SYNE1: variants seen among roughly 807,000 people sequenced by gnomAD.
SYNE1 encodes the protein spectrin repeat containing nuclear envelope protein 1, also known as nesprin-1.
A neutral mutation model predicts 1,111.0 loss-of-function variants in SYNE1; 616 were observed. The observed-to-expected ratio is 0.55, with a 90% CI of 0.52 to 0.59. The LOEUF is 0.59. Among genes scored for constraint, SYNE1 ranks in the 20% least tolerant of loss-of-function variants. The pLI, the probability that SYNE1 is intolerant of heterozygous loss-of-function variation, is 0.00. For synonymous variants in SYNE1, 3,855 were observed against 3,825.8 expected (o/e 1.01, Z -0.28); for missense variants, 10,006 against 10,417.0 (o/e 0.96, Z 1.72).
intron 61 of SYNE1, chr6:152,368,400 TCAGTTGTCTGAAC>T (rs1461817248): frequency 6.5e-6 from 1 of 153,984 alleles, no homozygotes. Context: ...AGAGGTTTAA[TCAGTTGTCTGAAC>T]CATTGCCAAT....
Position 152,333,352 on chromosome 6 carries a change from G to C in SYNE1, c.12794+656C>G, listed in dbSNP as rs1421335419. Among the ~76,000 whole-genome samples, 6 of 152,080 alleles carry C rather than the reference G, an allele frequency of 3.9e-5. No individual in the cohort carries two copies. In the South Asian group the frequency reaches 8.3e-4, roughly 21 times the overall value. On this transcript the variant is annotated intron_variant, in intron 77 of 145. Coordinates refer to ENST00000367255, the MANE Select transcript of SYNE1 (RefSeq NM_182961.4). ...ATTCATTACCTTATAGACTTGATAA[G>C]AAACTAGGGAGCATATAGGTTCAAG...
chr6:152,394,908 G>A (rs549049167), intron 51 of SYNE1, among the ~76,000 whole-genome samples: 17 of 147,908 alleles, frequency 1.1e-4, no homozygotes, highest in South Asian at 2.2e-4. Flanking sequence ...TCAGCCTCCC[G>A]GGTAGCTGGA....
intron 128 of SYNE1, among the ~76,000 whole-genome samples, chr6:152,186,963 T>C (rs2070315013): frequency 6.6e-6 from 1 of 152,182 alleles, no homozygotes; most frequent in Non-Finnish European, 1.5e-5. Flanking sequence ...ATTGCAAAAT[T>C]ATAGGATGAT....
intron 133 of SYNE1, among the ~76,000 whole-genome samples, 164 bp from the exon 134 acceptor site, chr6:152,152,305 T>A (rs557527397): frequency 9.9e-5 from 15 of 152,258 alleles, no homozygotes; most frequent in Admixed American, 3.3e-4. Flanking sequence ...TAATGCAAAG[T>A]CATCTAGTCA....
At chr6:152,149,772 G>T in intron 135 of SYNE1, 104 bp from the exon 136 acceptor site, 2 of 984,862 alleles carry the variant, frequency 2.0e-6, no homozygotes, top group Non-Finnish European at 3.1e-6. Context: ...AAGACATGTA[G>T]GGGCTATTTA....
At chr6:152,622,845 A>G (rs2758798) in intron 3 of SYNE1, among the ~76,000 whole-genome samples, 102,775 of 151,986 alleles carry the variant, frequency 0.68, 34,849 homozygotes, top group Non-Finnish European at 0.7. Context: ...TCACCGCACT[A>G]TCTTCCACAA....
intron 3 of SYNE1, among the ~76,000 whole-genome samples, chr6:152,561,264 TAAAC>T (rs1314063333): frequency 1.3e-5 from 2 of 151,986 alleles, no homozygotes; most frequent in Non-Finnish European, 2.9e-5. Flanking sequence ...TGTCTATACA[TAAAC>T]AATGAACTAT....
intron 93 of SYNE1, among the ~76,000 whole-genome samples, chr6:152,299,847 C>T (rs796995297): frequency 2.6e-5 from 4 of 152,046 alleles, no homozygotes; most frequent in African/African-American, 9.6e-5. Flanking sequence ...ATATCAACTT[C>T]TTTGAAAAAA....
intron 100 of SYNE1, among the ~76,000 whole-genome samples, chr6:152,265,249 T>C (rs2092576053): frequency 7.1e-6 from 1 of 141,642 alleles, no homozygotes; most frequent in Non-Finnish European, 1.5e-5. Flanking sequence ...ATAATAATAA[T>C]GGCAATGGCA....
Position 152,483,069 on chromosome 6 carries a change from C to T in SYNE1, c.1350+16G>A. On this transcript the variant is annotated intron_variant, in intron 14 of 145. Transcript: ENST00000367255. ...AGGGCTGTTATGCTGCAAGGTTTTC[C>T]AACCAGAATTTTTACCTTATGTTGC... 1 of 1,614,168 alleles carries T rather than the reference C, an allele frequency of 6.2e-7. No individual in the cohort carries two copies.
Position 152,331,525 on chromosome 6 carries a change from T to C in SYNE1, c.13160A>G (p.His4387Arg), listed in dbSNP as rs2153974266. The C allele has an allele frequency of 6.2e-7, 1 of 1,614,120 alleles. No homozygotes were observed. Among genetic ancestry groups the C allele is most frequent in the Non-Finnish European group, 8.5e-7 (1 of 1,180,016 alleles). ...PDMAQNLLMDHLAICSELEAK... is the reference protein window; with the variant it reads ...PDMAQNLLMDRLAICSELEAK... ...CTCCAGTTCACTGCAGATGGCCAGG[T>C]GATCCATGAGAAGGTTCTGAGCCAT... Residue 4387 changes from histidine (H) to arginine (R), a missense_variant, in exon 78 of 146, where the codon CAC becomes CGC. Around this residue, in one of 7 missense-constraint regions of SYNE1, gnomAD observed 4,955 missense variants for 5,017.2 expected, o/e 0.99. Coordinates refer to ENST00000367255, the MANE Select transcript of SYNE1 (RefSeq NM_182961.4).
intron 14 of SYNE1, chr6:152,481,625 A>T: frequency 2.3e-6 from 1 of 441,246 alleles, no homozygotes; most frequent in Non-Finnish European, 4.5e-6. Flanking sequence ...CCATGAAAAA[A>T]TTATTGTGTG....
Position 152,149,467 on chromosome 6 carries a change from T to C in SYNE1, c.24642+10A>G, listed in dbSNP as rs1260864340. 1 of 1,614,180 alleles carries C rather than the reference T, an allele frequency of 6.2e-7. No individual in the cohort carries two copies. Among genetic ancestry groups the C allele is most frequent in the Non-Finnish European group, 8.5e-7 (1 of 1,180,012 alleles). On this transcript the variant is annotated intron_variant, in intron 136 of 145. Transcript: ENST00000367255. ...ATTTAATGACAACTAAGAAAATCAA[T>C]GTTACATACAGGCAGGCGGATCAGT...
At chr6:152,245,336 A>G (rs1417205061) in intron 105 of SYNE1, among the ~76,000 whole-genome samples, 5 of 152,178 alleles carry the variant, frequency 3.3e-5, no homozygotes, top group African/African-American at 9.6e-5. Context: ...CGATAATGCA[A>G]CTCATCCCCA....
chr6:152,281,064 GA>G (rs1368971360), intron 97 of SYNE1, among the ~76,000 whole-genome samples: 1 of 152,182 alleles, frequency 6.6e-6, no homozygotes, highest in Non-Finnish European at 1.5e-5. Context: ...CTGAAGACTA[GA>G]CAGGGTTTTC....
intron 3 of SYNE1, among the ~76,000 whole-genome samples, chr6:152,599,731 C>T (rs939896933): frequency 1.1e-4 from 16 of 152,156 alleles, no homozygotes; most frequent in African/African-American, 3.9e-4. Context: ...CAAGTGTATT[C>T]AAGGGTATTA....
chr6:152,265,228 C>G (rs1390114009), intron 100 of SYNE1, among the ~76,000 whole-genome samples: 1 of 119,592 alleles, frequency 8.4e-6, no homozygotes, highest in Non-Finnish European at 1.8e-5. Flanking sequence ...AAAAAAAAAG[C>G]AATAGTAACA....
rs1563045771 is a variant in SYNE1, at chr6:152,321,324, TCTC to T, written c.16147_16149del (p.Glu5383del). Reference sequence around the variant, plus strand: ...AATATGGTATAAAGACCTAAGTACTTCTCCTTCTGTTCTTCTGCCATTTTTTCA... The same window carrying T: ...AATATGGTATAAAGACCTAAGTACTTCTTCTGTTCTTCTGCCATTTTTTCA... On this transcript the variant is annotated inframe_deletion, in exon 84 of 146. Transcript: ENST00000367255. 1.2e-6 allele frequency: 2 copies of T among 1,613,860 alleles called. No homozygotes were observed. The highest frequency in any genetic ancestry group is 1.7e-5 in the Admixed American group (1 of 60,008).
At position 152,472,361 on chromosome 6, in the gene SYNE1, C is replaced by A; in HGVS notation, c.1403G>T (p.Arg468Leu). The change falls in exon 15 of 146, where the codon CGG (arginine) becomes CTG (leucine). Residue 468 changes from arginine (R) to leucine (L), a missense_variant. By Grantham distance (102) the Arg-to-Leu change is moderately radical. Transcript: ENST00000367255. ...TGGAATCCCGTTAACAGACCTGGTC[C>A]GGTAGATTTCATGGAATGCTCTTTT... ...AHKRAFHEIY[R>L]TRSVNGIPVP... 1 of 1,613,850 alleles carries A rather than the reference C, an allele frequency of 6.2e-7. No individual in the cohort carries two copies. The highest frequency in any genetic ancestry group is 1.1e-5 in the South Asian group (1 of 91,050).
Sources: allele counts gnomAD v4.1 joint callset (sites outside exome capture counted in the v4.1 genomes callset), GRCh38; gene constraint gnomAD v4.1.1; regional missense constraint gnomAD v4.1.1; transcripts MANE v1.5; gene names NCBI Gene and HGNC (gene_info 2026-07-23, HGNC 2026-07-21).